CNTNAP5: variants seen among roughly 807,000 people sequenced by gnomAD.
CNTNAP5 encodes contactin associated protein family member 5.
CNTNAP5 carries 72 observed loss-of-function variants against 150.2 expected under a neutral mutation model. The ratio of observed to expected loss-of-function variants is 0.48; its 90% CI spans 0.40 to 0.58. CNTNAP5 has a LOEUF of 0.58. CNTNAP5 is among the 20% of genes least tolerant of loss of function. The pLI, the probability that CNTNAP5 is intolerant of heterozygous loss-of-function variation, is 0.00. For synonymous variants in CNTNAP5, 672 were observed against 619.8 expected, an observed-to-expected ratio of 1.08 and a Z score of -1.25; for missense variants, 1,636 against 1,626.2, an observed-to-expected ratio of 1.01 and a Z score of -0.10.
At chr2:124,029,396 C>A (rs1239321046) in intron 1 of CNTNAP5, among the ~76,000 whole-genome samples, 3 of 151,966 alleles carry the variant, frequency 2.0e-5, no homozygotes, top group African/African-American at 7.2e-5. Flanking sequence ...TGGAAGAGTC[C>A]TAAAGATTTT....
chr2:124,645,455 C>T (rs144785556), intron 12 of CNTNAP5, among the ~76,000 whole-genome samples: 11 of 152,226 alleles, frequency 7.2e-5, no homozygotes, highest in African/African-American at 2.6e-4. Flanking sequence ...GTGGTTCTAG[C>T]TACTTGGGAG....
At chr2:124,563,409 G>A (rs1695939034) in intron 11 of CNTNAP5, 86 bp downstream of exon 11, 2 of 778,684 alleles carry the variant, frequency 2.6e-6, no homozygotes, top group East Asian at 2.7e-5. Context: ...TTAGCATGGG[G>A]CAGGCATGTT....
chr2:124,886,814 C>T (rs886198484), intron 21 of CNTNAP5, among the ~76,000 whole-genome samples: 2 of 152,018 alleles, frequency 1.3e-5, no homozygotes, highest in Non-Finnish European at 2.9e-5. Context: ...AGTTCCTTAC[C>T]TTTATAACTG....
intron 1 of CNTNAP5, among the ~76,000 whole-genome samples, chr2:124,177,458 G>T (rs958134554): frequency 6.6e-6 from 1 of 151,998 alleles, no homozygotes; most frequent in East Asian, 1.9e-4. Context: ...CTATTAGGTA[G>T]AACAGGTCTG....
At chr2:124,754,952 G>GA (rs1247969088) in intron 14 of CNTNAP5, among the ~76,000 whole-genome samples, 1 of 151,592 alleles carries the variant, frequency 6.6e-6, no homozygotes, top group Admixed American at 6.6e-5. Flanking sequence ...TATGAAAATA[G>GA]AAAAAAAGAA....
intron 10 of CNTNAP5, among the ~76,000 whole-genome samples, chr2:124,561,321 A>G (rs760390313): frequency 6.6e-6 from 1 of 152,296 alleles, no homozygotes; most frequent in South Asian, 2.1e-4. Context: ...GGATCTCCTG[A>G]GGACATGCCT....
chr2:124,582,567 G>T (rs76912646), intron 11 of CNTNAP5, among the ~76,000 whole-genome samples: 1 of 152,108 alleles, frequency 6.6e-6, no homozygotes, highest in Admixed American at 6.6e-5. Flanking sequence ...CCTGCAAAAG[G>T]GGGCTGCCAG....
Position 124,510,518 on chromosome 2 carries a change from T to TATAC in CNTNAP5, c.1327+5963_1327+5964insTACA, listed in dbSNP as rs10641959. On this transcript the variant is annotated intron_variant, in intron 8 of 23. Transcript: ENST00000682447. ...ATATATATATATATATATATATATA[T>TATAC]ACATATATCTCCATATATCAACACA... 1.8e-3 allele frequency among the ~76,000 whole-genome samples: 221 copies of TATAC among 124,876 alleles called. 4 individuals carry two copies. The highest frequency in any genetic ancestry group is 3.8e-3 in the East Asian group (17 of 4,462). 81.9% of individuals were successfully genotyped at this position (124,876 alleles called of 152,430 possible). A position where few individuals can be genotyped will look rare whatever the true frequency, so the allele number is the denominator to read the frequency against.
intron 2 of CNTNAP5, among the ~76,000 whole-genome samples, chr2:124,224,924 T>G (rs970242399): frequency 6.6e-6 from 1 of 152,138 alleles, no homozygotes; most frequent in Non-Finnish European, 1.5e-5. Context: ...TAGAAGCAAT[T>G]ATAACACTGT....
At chr2:124,087,939 T>C (rs1682730686) in intron 1 of CNTNAP5, among the ~76,000 whole-genome samples, 1 of 152,088 alleles carries the variant, frequency 6.6e-6, no homozygotes, top group African/African-American at 2.4e-5. Context: ...TTCATTGGGG[T>C]CGATCCTATC....
In CNTNAP5 at chr2:124,885,692, T is replaced by C. The variant is rs185357865; in HGVS notation, c.3436+15930T>C. 2.6e-3 allele frequency among the ~76,000 whole-genome samples: 399 copies of C among 152,066 alleles called. 3 individuals are homozygous for C. The highest frequency in any genetic ancestry group is 4.4e-3 in the Non-Finnish European group (301 of 67,980). On this transcript the variant is annotated intron_variant, in intron 21 of 23. Transcript: ENST00000682447. ...TCTGTATTGATTTACCTATTTGAGATATTTCCTATAAATGGAACCATACAA... is the reference window on the plus strand; with the variant it reads ...TCTGTATTGATTTACCTATTTGAGACATTTCCTATAAATGGAACCATACAA...
At chr2:124,408,923 C>A (rs1220053917) in intron 3 of CNTNAP5, among the ~76,000 whole-genome samples, 2 of 148,844 alleles carry the variant, frequency 1.3e-5, no homozygotes, top group Non-Finnish European at 3.0e-5. Flanking sequence ...AGGCTTCAGA[C>A]GATCAAATTA....
At chr2:124,844,748 G>A (rs1324989300) in intron 19 of CNTNAP5, among the ~76,000 whole-genome samples, 1 of 151,896 alleles carries the variant, frequency 6.6e-6, no homozygotes, top group African/African-American at 2.4e-5. Flanking sequence ...AATGGGTTGA[G>A]ATTTTGATTT....
chr2:124,144,060 A>C (rs1487114300), intron 1 of CNTNAP5, among the ~76,000 whole-genome samples: 1 of 149,346 alleles, frequency 6.7e-6, no homozygotes, highest in Admixed American at 6.7e-5. Flanking sequence ...AAAGAGAATA[A>C]AATACCTAGG....
At chr2:124,267,118 C>T (rs1311825405) in intron 3 of CNTNAP5, among the ~76,000 whole-genome samples, 1 of 151,940 alleles carries the variant, frequency 6.6e-6, no homozygotes, top group Non-Finnish European at 1.5e-5. Flanking sequence ...GACTGCCTGC[C>T]CCTGAATGGA....
chr2:124,142,252 A>T (rs1184998674), intron 1 of CNTNAP5, among the ~76,000 whole-genome samples: 2 of 107,056 alleles, frequency 1.9e-5, no homozygotes, highest in African/African-American at 7.3e-5. Context: ...GTCAACAAGG[A>T]TACCCAGGAA....
At chr2:124,883,411 G>C (rs1413827093) in intron 21 of CNTNAP5, among the ~76,000 whole-genome samples, 1 of 152,010 alleles carries the variant, frequency 6.6e-6, no homozygotes, top group African/African-American at 2.4e-5. Flanking sequence ...GAGCTGCAGA[G>C]GTTACTTTGG....
chr2:124,029,203 TC>T (rs1558730275), intron 1 of CNTNAP5, among the ~76,000 whole-genome samples: 2 of 152,202 alleles, frequency 1.3e-5, no homozygotes, highest in South Asian at 4.1e-4. Flanking sequence ...TATGAGGACT[TC>T]AATCAGATTC....
At chr2:124,787,112 G>A (rs548689118) in intron 17 of CNTNAP5, among the ~76,000 whole-genome samples, 58 of 152,222 alleles carry the variant, frequency 3.8e-4, no homozygotes, top group African/African-American at 1.3e-3. Context: ...AAAAGTTGTT[G>A]ACTAAGTCAC....
Sources: allele counts gnomAD v4.1 joint callset (sites outside exome capture counted in the v4.1 genomes callset), GRCh38; gene constraint gnomAD v4.1.1; transcripts MANE v1.5; gene names NCBI Gene and HGNC (gene_info 2026-07-23, HGNC 2026-07-21).